Variants in MTRR observed in about 807,000 individuals in gnomAD.
MTRR encodes the protein methionine synthase reductase.
Under a neutral mutation model 79.2 loss-of-function variants are expected in MTRR, and 63 were observed. The ratio of observed to expected loss-of-function variants is 0.80; its 90% CI spans 0.65 to 0.98. The LOEUF (loss-of-function observed/expected upper bound fraction) is 0.98, where lower values mean the gene tolerates loss of function less well. Ranked by LOEUF, MTRR falls within the 50% of genes least tolerant of loss-of-function variation. MTRR has a pLI of 0.00. For missense variants in MTRR, 895 were observed against 839.6 expected (o/e 1.07, Z -0.82); for synonymous variants, 355 against 313.3 (o/e 1.13, Z -1.41).
rs112125408 is a variant in MTRR, at chr5:7,885,717, A to G, written c.920A>G (p.Tyr307Cys). ...CTTCTCTAGAATACAGACTTTTCCT[A>G]TCAGCCTGGAGATGCCTTCAGCGTG... ...ELDISNTDFSYQPGDAFSVIC... is the reference protein window; with the variant it reads ...ELDISNTDFSCQPGDAFSVIC... The change falls in exon 7 of 15, where the codon TAT (tyrosine) becomes TGT (cysteine). Residue 307 changes from tyrosine (Y) to cysteine (C), a missense_variant. Tyr to Cys is a radical substitution (Grantham distance 194, BLOSUM62 -2). Coordinates refer to ENST00000440940, the MANE Select transcript of MTRR (RefSeq NM_002454.3). The G allele has an allele frequency of 5.5e-5, 88 of 1,610,520 alleles. No homozygotes were observed. The highest frequency in any genetic ancestry group is 7.0e-5 in the Non-Finnish European group (83 of 1,179,376).
chr5:7,891,152 GA>G (rs1737474711), intron 9 of MTRR, among the ~76,000 whole-genome samples: 4 of 152,076 alleles, frequency 2.6e-5, no homozygotes, highest in Non-Finnish European at 4.4e-5. Context: ...TTAAGAGTAA[GA>G]AAATGCATCT....
chr5:7,886,621 C>A lies in MTRR; in HGVS notation c.1064C>A (p.Thr355Asn), dbSNP rs1736481285. 6.2e-7 allele frequency: 1 copy of A among 1,613,092 alleles called. No individual in the cohort carries two copies. Among genetic ancestry groups the A allele is most frequent in the Non-Finnish European group, 8.5e-7 (1 of 1,179,174 alleles). ...IKADTKKKGA[T>N]LPQHIPAGCS... is the part of the protein sequence containing the mutation. ...CCCGTCTTTACCTGAAAAGGAGCTA[C>A]CTTACCCCAGCATATACCTGCGGGA... Residue 355 changes from threonine to asparagine, a missense_variant, in exon 8 of 15, where the codon ACC becomes AAC. By Grantham distance (65) the Thr-to-Asn change is moderately conservative. Transcript: ENST00000440940.
At position 7,889,423 on chromosome 5, in the gene MTRR, G is replaced by C. The variant is rs1275075037; in HGVS notation, c.1327+148G>C. ...ATATCTAAATGAATGGTGGTGATTG[G>C]TAAGTAAACATCTTATATCTTGTCT... is the stretch of plus-strand genomic sequence containing the variant. On this transcript the variant is annotated intron_variant, in intron 9 of 14. Transcript: ENST00000440940. 3.6e-6 allele frequency: 3 copies of C among 841,728 alleles called. No homozygotes were observed. The African/African-American group carries it at 5.1e-5, about 14-fold the overall frequency. 52.1% of individuals were successfully genotyped at this position (841,728 alleles called of 1,614,324 possible). A position where few individuals can be genotyped will look rare whatever the true frequency, so the allele number is the denominator to read the frequency against.
chr5:7,867,176 A>G, upstream of MTRR: 1 of 1,614,196 alleles, frequency 6.2e-7, no homozygotes, highest in Non-Finnish European at 8.5e-7. Flanking sequence ...AAGAACCACC[A>G]GGGCAGTGAG....
Position 7,896,855 on chromosome 5 carries a change from TC to T in MTRR, c.1677-7del. The T allele has an allele frequency of 6.2e-7, 1 of 1,612,762 alleles. No homozygotes were observed. Among genetic ancestry groups the T allele is most frequent in the Non-Finnish European group, 8.5e-7 (1 of 1,178,970 alleles). ...ATCACACACCTAAACTTTTTTTTTTTCCACTTAGAGAGAAACTCCAAGAACA... is the reference window on the plus strand; with the variant it reads ...ATCACACACCTAAACTTTTTTTTTTTCACTTAGAGAGAAACTCCAAGAACA... On this transcript the variant is annotated splice_polypyrimidine_tract_variant and splice_region_variant and intron_variant, in intron 12 of 14. Coordinates refer to ENST00000440940, the MANE Select transcript of MTRR (RefSeq NM_002454.3).
upstream of MTRR, chr5:7,867,786 G>A: frequency 6.2e-7 from 1 of 1,614,160 alleles, no homozygotes; most frequent in South Asian, 1.1e-5. Flanking sequence ...TAAAACATCT[G>A]ACTCTCCTCA....
At chr5:7,874,134 G>T (rs1748466068) in intron 3 of MTRR, among the ~76,000 whole-genome samples, 1 of 151,982 alleles carries the variant, frequency 6.6e-6, no homozygotes, top group Admixed American at 6.5e-5. Flanking sequence ...TTAGGACTCT[G>T]TGAACCATAG....
intron 2 of MTRR, among the ~76,000 whole-genome samples, chr5:7,862,378 G>A (rs1004601703): frequency 1.3e-5 from 2 of 152,134 alleles, no homozygotes; most frequent in African/African-American, 4.8e-5. Context: ...CAATGTGACT[G>A]AGGAATTGAA....
At chr5:7,851,908 G>A (rs1746089611) in intron 1 of MTRR, among the ~76,000 whole-genome samples, 1 of 152,226 alleles carries the variant, frequency 6.6e-6, no homozygotes, top group Admixed American at 6.5e-5. Context: ...TGATGACCAA[G>A]GCTTGGGAAA....
At chr5:7,879,946 C>T (rs1186164238) in intron 5 of MTRR, among the ~76,000 whole-genome samples, 1 of 152,218 alleles carries the variant, frequency 6.6e-6, no homozygotes, top group Non-Finnish European at 1.5e-5. Context: ...ATTTGGGTCT[C>T]AGCAGTCCTC....
At chr5:7,897,777 G>A (rs1406831622) in intron 14 of MTRR, among the ~76,000 whole-genome samples, 1 of 152,110 alleles carries the variant, frequency 6.6e-6, no homozygotes, top group Non-Finnish European at 1.5e-5. Context: ...AATTGCCATA[G>A]AAAAATTGTT....
chr5:7,863,155 T>G, intron 2 of MTRR: 1 of 659,688 alleles, frequency 1.5e-6, no homozygotes, highest in East Asian at 2.7e-5. Context: ...AAAATGATAA[T>G]GCAAACTTCT....
intron 6 of MTRR, 103 bp from the exon 7 acceptor site, chr5:7,885,598 T>A: frequency 9.2e-7 from 1 of 1,085,802 alleles, no homozygotes; most frequent in Non-Finnish European, 1.3e-6. Context: ...TGAGTTCACA[T>A]ATTAAAATCA....
At chr5:7,887,156 A>T (rs1195987043) in intron 8 of MTRR, among the ~76,000 whole-genome samples, 6 of 152,182 alleles carry the variant, frequency 3.9e-5, no homozygotes, top group Admixed American at 3.3e-4. Flanking sequence ...GTTAAGATCT[A>T]CTTTGTGTAA....
chr5:7,895,772 A>G lies in MTRR; in HGVS notation c.1596A>G (p.Leu532=), dbSNP rs749809342. ...CTCGAACAACAAATTCTTTCCACTT[A>G]CCAGATGACCCCTCAATCCCCATCA... The part of the protein sequence containing the change: ...ISPRTTNSFH[L]PDDPSIPIIM... Residue 532 remains leucine, a synonymous_variant, in exon 12 of 15, where the codon TTA becomes TTG. Coordinates refer to ENST00000440940, the MANE Select transcript of MTRR (RefSeq NM_002454.3). The G allele has an allele frequency of 1.5e-5, 24 of 1,614,058 alleles. No homozygotes were observed. Among genetic ancestry groups the G allele is most frequent in the Non-Finnish European group, 2.0e-5 (24 of 1,179,946 alleles).
At chr5:7,853,949 AG>A (rs1260834928) in intron 1 of MTRR, among the ~76,000 whole-genome samples, 1 of 152,132 alleles carries the variant, frequency 6.6e-6, no homozygotes, top group Non-Finnish European at 1.5e-5. Context: ...GGGTGGAATG[AG>A]ATGTGAGGCC....
intron 11 of MTRR, 109 bp downstream of exon 11, chr5:7,893,022 T>C: frequency 7.8e-7 from 1 of 1,284,946 alleles, no homozygotes; most frequent in Non-Finnish European, 1.1e-6. Context: ...TAAGAAAATT[T>C]ATGCTGTTCT....
In MTRR at chr5:7,877,974, T is replaced by G. The variant is rs116439533; in HGVS notation, c.432T>G (p.Ala144=). ...AACTTGTGGTTGAGCCGTGGATTGC[T>G]GGACTCTGGCCAGCCCTCAGAAAGC... ...GLELVVEPWI[A]GLWPALRKHF... is the part of the protein sequence containing the mutation. The change falls in exon 5 of 15, where the codon GCT becomes GCG. Residue 144 remains alanine (A), a synonymous_variant. Transcript: ENST00000440940. 20 of 1,613,608 alleles carry G rather than the reference T, an allele frequency of 1.2e-5. No individual in the cohort carries two copies. The Middle Eastern group carries it at 6.6e-4, about 53-fold the overall frequency.
intron 7 of MTRR, 141 bp from the exon 8 acceptor site, chr5:7,886,474 G>T: frequency 1.6e-6 from 1 of 629,648 alleles, no homozygotes; most frequent in Non-Finnish European, 2.8e-6. Context: ...AATTTTTTTG[G>T]CTGAATAAAC....
Sources: allele counts gnomAD v4.1 joint callset (sites outside exome capture counted in the v4.1 genomes callset), GRCh38; gene constraint gnomAD v4.1.1; transcripts MANE v1.5; gene names NCBI Gene and HGNC (gene_info 2026-07-23, HGNC 2026-07-21).